AMIGO3: variants seen among roughly 807,000 people sequenced by gnomAD.
The protein encoded by AMIGO3 is adhesion molecule with Ig like domain 3.
Under a neutral mutation model 4.3 loss-of-function variants are expected in AMIGO3, and 6 were observed. The ratio of observed to expected loss-of-function variants is 1.39; its 90% CI spans 0.76 to 2.75. The LOEUF is 2.75. AMIGO3 is among the 30% of genes most tolerant of loss of function. The pLI is 0.00. For missense variants in AMIGO3, 771 were observed against 692.1 expected, an observed-to-expected ratio of 1.11 and a Z score of -1.28; for synonymous variants, 315 against 320.0, an observed-to-expected ratio of 0.98 and a Z score of 0.17.
Position 49,718,796 on chromosome 3 carries a change from C to A in AMIGO3, c.670G>T (p.Asp224Tyr), listed in dbSNP as rs1003244818. The A allele has an allele frequency of 5.6e-6, 9 of 1,613,010 alleles. No homozygotes were observed. The highest frequency in any genetic ancestry group is 7.6e-6 in the Non-Finnish European group (9 of 1,179,962). The part of the protein sequence containing the change: ...LYLHNNPLPC[D>Y]CRLYHLLQRW... Reference sequence around the variant, plus strand: ...TGTAGCAGGTGGTAGAGGCGGCAGTCGCAAGGCAAAGGGTTGTTGTGCAAG... The same window carrying A: ...TGTAGCAGGTGGTAGAGGCGGCAGTAGCAAGGCAAAGGGTTGTTGTGCAAG... The change falls in exon 1 of 1, where the codon GAC becomes TAC. Residue 224 changes from aspartate to tyrosine, a missense_variant. Asp to Tyr is a radical substitution (Grantham distance 160). Coordinates refer to ENST00000320431, the MANE Select transcript of AMIGO3 (RefSeq NM_198722.3).
rs200083046 is a variant in AMIGO3, at chr3:49,718,808, G to A, written c.658C>T (p.Pro220Ser). Residue 220 changes from proline to serine, a missense_variant, in exon 1 of 1, where the codon CCT (proline) becomes TCT (serine). Transcript: ENST00000320431. ...LKNGLYLHNN[P>S]LPCDCRLYHL... is the part of the protein sequence containing the mutation. ...TAGAGGCGGCAGTCGCAAGGCAAAGGGTTGTTGTGCAAGTAGAGGCCGTTC... is the reference window on the plus strand; with the variant it reads ...TAGAGGCGGCAGTCGCAAGGCAAAGAGTTGTTGTGCAAGTAGAGGCCGTTC... 1.9e-6 allele frequency: 3 copies of A among 1,613,348 alleles called. No individual in the cohort carries two copies. In the East Asian group the frequency reaches 6.7e-5, roughly 36 times the overall value.
rs766967221 is a variant in AMIGO3 at position 49,718,081 on chromosome 3, C to T, written c.1385G>A (p.Arg462Lys). The change falls in exon 1 of 1, where the codon AGG becomes AAG. Residue 462 changes from arginine (R) to lysine (K), a missense_variant. Physicochemically the swap from Arg to Lys is conservative, Grantham distance 26 (BLOSUM62 2). Coordinates refer to ENST00000320431, the MANE Select transcript of AMIGO3 (RefSeq NM_198722.3). Reference sequence around the variant, plus strand: ...CAGCTGCACGCGGCCATTGAGGCCCCTCCGGCCTGGCTCCAGAAAGACTAC... The same window carrying T: ...CAGCTGCACGCGGCCATTGAGGCCCTTCCGGCCTGGCTCCAGAAAGACTAC... The part of the protein sequence containing the change: ...KHVVFLEPGR[R>K]GLNGRVQLAV... 6.2e-7 allele frequency: 1 copy of T among 1,613,482 alleles called. No individual in the cohort carries two copies. The highest frequency in any genetic ancestry group is 1.3e-5 in the African/African-American group (1 of 74,954).
At position 49,718,871 on chromosome 3, in the gene AMIGO3, A is replaced by C. The variant is rs201762043; in HGVS notation, c.595T>G (p.Ser199Ala). The C allele has an allele frequency of 1.3e-4, 213 of 1,613,322 alleles. No homozygotes were observed. The highest frequency in any genetic ancestry group is 2.7e-4 in the East Asian group (12 of 44,878). ...DLSSNRLGHI[S>A]VPELAALPAF... ...GGCAGCGCGGCCAGCTCAGGTACGG[A>C]GATGTGTCCCAGCCGGTTGGAGGAG... Residue 199 changes from serine (S) to alanine (A), a missense_variant, in exon 1 of 1, where the codon TCC becomes GCC. Coordinates refer to ENST00000320431, the MANE Select transcript of AMIGO3 (RefSeq NM_198722.3).
chr3:49,719,451 C>T lies in AMIGO3; in HGVS notation c.15G>A (p.Val5=), dbSNP rs1257413630. The T allele has an allele frequency of 2.5e-6, 4 of 1,612,542 alleles. No individual in the cohort carries two copies. The South Asian group carries it at 4.4e-5, about 18-fold the overall frequency. The change falls in exon 1 of 1, where the codon GTG becomes GTA. Residue 5 remains valine (V), a synonymous_variant. Transcript: ENST00000320431. ...GCATGCAGAGCAGTGTCCCCAGCAGCACCAACCAGGTCATGGCGGCGACCA... is the reference window on the plus strand; with the variant it reads ...GCATGCAGAGCAGTGTCCCCAGCAGTACCAACCAGGTCATGGCGGCGACCA... MTWL[V]LLGTLLCMLR... is the part of the protein sequence containing the mutation.
Position 49,717,206 on chromosome 3 carries a change from C to A in AMIGO3, c.*745G>T, listed in dbSNP as rs1308095946. On this transcript the variant is annotated 3_prime_UTR_variant, in exon 1 of 1. Transcript: ENST00000320431. ...CACAGAATGGGCTCTGCCTTCAGAA[C>A]AACGGGTGGATGCCCCAGGCCAGAG... 1.3e-5 allele frequency: 2 copies of A among 153,330 alleles called. No individual in the cohort carries two copies. Among genetic ancestry groups the A allele is most frequent in the African/African-American group, 2.4e-5 (1 of 41,456 alleles). 9.5% of individuals were successfully genotyped at this position (153,330 alleles called of 1,614,324 possible). A position where few individuals can be genotyped will look rare whatever the true frequency, so the allele number is the denominator to read the frequency against.
Position 49,718,371 on chromosome 3 carries a change from G to T in AMIGO3, c.1095C>A (p.His365Gln). 6.2e-7 allele frequency: 1 copy of T among 1,613,356 alleles called. No homozygotes were observed. The highest frequency in any genetic ancestry group is 1.6e-4 in the Middle Eastern group (1 of 6,062). ...TGPRLHHNQT[H>Q]EYNVSVHFPR... ...GAAAGTGCACGCTCACGTTGTACTC[G>T]TGCGTCTGGTTGTGGTGCAGGCGGG... The change falls in exon 1 of 1, where the codon CAC (histidine) becomes CAA (glutamine). Residue 365 changes from histidine (H) to glutamine (Q), a missense_variant. Transcript: ENST00000320431.
rs1351104410 is a variant in AMIGO3 at position 49,718,463 on chromosome 3, C to A, written c.1003G>T (p.Gly335Cys). Residue 335 changes from glycine (G) to cysteine (C), a missense_variant, in exon 1 of 1, where the codon GGC becomes TGC. Coordinates refer to ENST00000320431, the MANE Select transcript of AMIGO3 (RefSeq NM_198722.3). ...RDGSIAVLADGSLAIGNVQEQ... is the reference protein window; with the variant it reads ...RDGSIAVLADCSLAIGNVQEQ... ...TGTACGTTGCCTATGGCCAAGCTGC[C>A]GTCGGCCAGCACCGCGATGCTGCCA... 6.2e-7 allele frequency: 1 copy of A among 1,612,912 alleles called. No homozygotes were observed. The highest frequency in any genetic ancestry group is 1.7e-5 in the Admixed American group (1 of 60,014).
In AMIGO3 at chr3:49,719,257, T is replaced by C. The variant is rs2080330840; in HGVS notation, c.209A>G (p.His70Arg). ...GGGGCGCAGGCGCTGGAGCGCGTTG[T>C]GGCTCAGGTCGAGGTCCGCAGTAGC... ...PAATADLDLS[H>R]NALQRLRPGW... The change falls in exon 1 of 1, where the codon CAC becomes CGC. Residue 70 changes from histidine (H) to arginine (R), a missense_variant. By Grantham distance (29) the His-to-Arg change is conservative. Transcript: ENST00000320431. 3 of 1,613,304 alleles carry C rather than the reference T, an allele frequency of 1.9e-6. No homozygotes were observed. The highest frequency in any genetic ancestry group is 1.7e-6 in the Non-Finnish European group (2 of 1,179,882).
Position 49,718,578 on chromosome 3 carries a change from C to G in AMIGO3, c.888G>C (p.Leu296=). 1 of 1,613,098 alleles carries G rather than the reference C, an allele frequency of 6.2e-7. No individual in the cohort carries two copies. The highest frequency in any genetic ancestry group is 8.5e-7 in the Non-Finnish European group (1 of 1,179,958). Reference sequence around the variant, plus strand: ...GGACGCTGGTGTTGCAGTAAAGCCTCAGGGACCGACCCACCAGCGCGTACA... The same window carrying G: ...GGACGCTGGTGTTGCAGTAAAGCCTGAGGGACCGACCCACCAGCGCGTACA... ...EHLYALVGRS[L]RLYCNTSVPA... is the part of the protein sequence containing the mutation. Residue 296 remains leucine (L), a synonymous_variant, in exon 1 of 1, where the codon CTG becomes CTC. Transcript: ENST00000320431.
rs766332423 is a variant in AMIGO3, at chr3:49,718,529, A to G, written c.937T>C (p.Ser313Pro). Residue 313 changes from serine (S) to proline (P), a missense_variant, in exon 1 of 1, where the codon TCG becomes CCG. Coordinates refer to ENST00000320431, the MANE Select transcript of AMIGO3 (RefSeq NM_198722.3). ...SVPAMRIAWV[S>P]PQQELLRAPG... ...GCCCTGAGAAGCTCCTGCTGCGGCG[A>G]AACCCAGGCAATGCGCATGGCCGGG... The G allele has an allele frequency of 1.2e-6, 2 of 1,613,150 alleles. No individual in the cohort carries two copies. The highest frequency in any genetic ancestry group is 1.7e-6 in the Non-Finnish European group (2 of 1,179,950).
rs755125163 is a variant in AMIGO3, at chr3:49,718,979, A to G, written c.487T>C (p.Tyr163His). The change falls in exon 1 of 1, where the codon TAC becomes CAC. Residue 163 changes from tyrosine to histidine, a missense_variant. Tyr to His is a moderately conservative substitution (Grantham distance 83). Transcript: ENST00000320431. Reference protein sequence around the residue: ...FHGLRALSHLYLGCNELASFS... With the variant: ...FHGLRALSHLHLGCNELASFS... ...GAGGCGAGTTCGTTGCAGCCCAGGT[A>G]GAGATGGCTGAGCGCGCGCAGGCCG... 6 of 1,613,850 alleles carry G rather than the reference A, an allele frequency of 3.7e-6. No homozygotes were observed. The South Asian group carries it at 5.5e-5, about 15-fold the overall frequency.
rs757220252 is a variant in AMIGO3, at chr3:49,718,234, C to A, written c.1232G>T (p.Arg411Leu). 3 of 1,611,628 alleles carry A rather than the reference C, an allele frequency of 1.9e-6. No individual in the cohort carries two copies. Among genetic ancestry groups the A allele is most frequent in the African/African-American group, 2.7e-5 (2 of 74,872 alleles). Residue 411 changes from arginine to leucine, a missense_variant, in exon 1 of 1, where the codon CGC becomes CTC. By Grantham distance (102) the Arg-to-Leu change is moderately radical. Transcript: ENST00000320431. ...CCAGCGGCGGCAGCGGCAGGCACGG[C>A]GGCAGCAGCGGCAGGGTGGGGCGAA... ...YLFAPPCRCC[R>L]RACRCRRWPQ... is the part of the protein sequence containing the mutation.
In AMIGO3 at chr3:49,718,296, G is replaced by A. The variant is rs2080294023; in HGVS notation, c.1170C>T (p.Gly390=). 1.2e-6 allele frequency: 2 copies of A among 1,613,162 alleles called. No individual in the cohort carries two copies. The highest frequency in any genetic ancestry group is 2.7e-5 in the African/African-American group (2 of 75,052). The change falls in exon 1 of 1, where the codon GGC becomes GGT. Residue 390 remains glycine, a synonymous_variant. Coordinates refer to ENST00000320431, the MANE Select transcript of AMIGO3 (RefSeq NM_198722.3). ...AFNTGFTTLL[G]CAVGLVLVLL... ...GCACGAGCACAAGGCCCACGGCACAGCCCAGCAGTGTGGTGAAGCCTGTGT... is the reference window on the plus strand; with the variant it reads ...GCACGAGCACAAGGCCCACGGCACAACCCAGCAGTGTGGTGAAGCCTGTGT...
rs2108202507 is a variant in AMIGO3 at position 49,717,541 on chromosome 3, A to G, written c.*410T>C. 4.4e-6 allele frequency: 1 copy of G among 227,114 alleles called. No homozygotes were observed. The highest frequency in any genetic ancestry group is 8.8e-6 in the Non-Finnish European group (1 of 113,364). The allele number at this position is 227,114 out of a possible 1,614,324, so 14.1% of individuals were successfully genotyped here. ...AGCACCACTCCTCGAGAGCTGTCTC[A>G]GCCCCTGAGGGTGGACGGGAGGCTC... On this transcript the variant is annotated 3_prime_UTR_variant, in exon 1 of 1. Transcript: ENST00000320431.
chr3:49,718,244 G>C lies in AMIGO3; in HGVS notation c.1222C>G (p.Arg408Gly). 6.2e-7 allele frequency: 1 copy of C among 1,611,994 alleles called. No individual in the cohort carries two copies. The highest frequency in any genetic ancestry group is 8.5e-7 in the Non-Finnish European group (1 of 1,179,428). ...VLLYLFAPPC[R>G]CCRRACRCRR... Reference sequence around the variant, plus strand: ...CAGCGGCAGGCACGGCGGCAGCAGCGGCAGGGTGGGGCGAACAGGTAGAGC... The same window carrying C: ...CAGCGGCAGGCACGGCGGCAGCAGCCGCAGGGTGGGGCGAACAGGTAGAGC... The change falls in exon 1 of 1, where the codon CGC becomes GGC. Residue 408 changes from arginine to glycine, a missense_variant. Coordinates refer to ENST00000320431, the MANE Select transcript of AMIGO3 (RefSeq NM_198722.3).
chr3:49,719,065 G>A lies in AMIGO3; in HGVS notation c.401C>T (p.Ala134Val), dbSNP rs767589734. The A allele has an allele frequency of 6.2e-7, 1 of 1,613,778 alleles. No homozygotes were observed. The highest frequency in any genetic ancestry group is 8.5e-7 in the Non-Finnish European group (1 of 1,180,026). Residue 134 changes from alanine (A) to valine (V), a missense_variant, in exon 1 of 1, where the codon GCG (alanine) becomes GTG (valine). Coordinates refer to ENST00000320431, the MANE Select transcript of AMIGO3 (RefSeq NM_198722.3). ...LGRHDLDGLG[A>V]LEKLLLFNNR... Reference sequence around the variant, plus strand: ...ATTGAACAGAAGCAGCTTCTCCAGCGCCCCCAGCCCGTCGAGGTCGTGGCG... The same window carrying A: ...ATTGAACAGAAGCAGCTTCTCCAGCACCCCCAGCCCGTCGAGGTCGTGGCG...
At position 49,718,689 on chromosome 3, in the gene AMIGO3, G is replaced by T. The variant is rs574149365; in HGVS notation, c.777C>A (p.Ser259=). Residue 259 remains serine, a synonymous_variant, in exon 1 of 1, where the codon TCC becomes TCA. Coordinates refer to ENST00000320431, the MANE Select transcript of AMIGO3 (RefSeq NM_198722.3). ...GGCTGTGCTGGAAGAAGCGCACGCG[G>T]GACGCGGGTACCTTGAAGGCCAAGC... ...YVCLAFKVPA[S]RVRFFQHSRV... is the part of the protein sequence containing the mutation. The T allele has an allele frequency of 6.2e-7, 1 of 1,612,982 alleles. No homozygotes were observed. Among genetic ancestry groups the T allele is most frequent in the African/African-American group, 1.3e-5 (1 of 75,076 alleles).
At position 49,718,939 on chromosome 3, in the gene AMIGO3, T is replaced by TGCA; in HGVS notation, c.526_527insTGC (p.Asp175_His176insLeu). 1.2e-6 allele frequency: 2 copies of TGCA among 1,613,612 alleles called. No individual in the cohort carries two copies. The highest frequency in any genetic ancestry group is 1.7e-6 in the Non-Finnish European group (2 of 1,180,014). The stretch of plus-strand genomic sequence containing the variant: ...GTGGGTGGCGCTCAGACCGTGCAGG[T>TGCA]GGTCGAAGGAGAACGAGGCGAGTTC... On this transcript the variant is annotated inframe_insertion, in exon 1 of 1. Coordinates refer to ENST00000320431, the MANE Select transcript of AMIGO3 (RefSeq NM_198722.3).
At position 49,719,272 on chromosome 3, in the gene AMIGO3, T is replaced by C; in HGVS notation, c.194A>G (p.Asp65Gly). ...GAGCGCGTTGTGGCTCAGGTCGAGG[T>C]CCGCAGTAGCGGCAGGTAACTCGGC... is the stretch of plus-strand genomic sequence containing the variant. ...VPAELPAATA[D>G]LDLSHNALQR... The change falls in exon 1 of 1, where the codon GAC becomes GGC. Residue 65 changes from aspartate to glycine, a missense_variant. Physicochemically the swap from Asp to Gly is moderately conservative, Grantham distance 94 (BLOSUM62 -1). Coordinates refer to ENST00000320431, the MANE Select transcript of AMIGO3 (RefSeq NM_198722.3). 6.2e-7 allele frequency: 1 copy of C among 1,613,358 alleles called. No homozygotes were observed. Among genetic ancestry groups the C allele is most frequent in the Non-Finnish European group, 8.5e-7 (1 of 1,179,960 alleles).
Sources: allele counts gnomAD v4.1 joint callset, GRCh38; gene constraint gnomAD v4.1.1; transcripts MANE v1.5; gene names NCBI Gene and HGNC (gene_info 2026-07-23, HGNC 2026-07-21).